The following KNL1 variants were observed in gnomAD, a reference collection of about 807,000 sequenced individuals.
KNL1 encodes kinetochore scaffold 1.
Under a neutral mutation model 201.3 loss-of-function variants are expected in KNL1, and 66 were observed. That is an observed-to-expected ratio of 0.33 (90% confidence interval 0.27 to 0.40). The LOEUF is 0.40. Ranked by LOEUF, KNL1 falls within the 10% of genes least tolerant of loss-of-function variation. KNL1 has a pLI of 1.00. For synonymous variants in KNL1, 895 were observed against 899.2 expected, an observed-to-expected ratio of 1.00 and a Z score of 0.08; for missense variants, 2,815 against 2,690.5, an observed-to-expected ratio of 1.05 and a Z score of -1.02.
In KNL1 at chr15:40,641,976, A is replaced by G. The variant is rs376135431; in HGVS notation, c.5798+949A>G. ...GACTTTAAAACTCAAAGTAATGTTT[A>G]TGTCATACTTATCTGGGACTATCCA... On this transcript the variant is annotated intron_variant, in intron 14 of 25. Coordinates refer to ENST00000399668, the MANE Select transcript of KNL1 (RefSeq NM_144508.5). Among the ~76,000 whole-genome samples the G allele has an allele frequency of 1.2e-3, 183 of 152,370 alleles. 6 individuals carry two copies. The South Asian group carries it at 0.035, about 29-fold the overall frequency.
chr15:40,651,359 C>A, intron 19 of KNL1, 112 bp from the exon 20 acceptor site: 1 of 478,018 alleles, frequency 2.1e-6, no homozygotes, highest in Non-Finnish European at 3.6e-6. Context: ...AACATTATTA[C>A]CTCAATGGGG....
Position 40,617,419 on chromosome 15 carries a change from A to G in KNL1, c.323-1540A>G, listed in dbSNP as rs115090588. On this transcript the variant is annotated intron_variant, in intron 8 of 25. Coordinates refer to ENST00000399668, the MANE Select transcript of KNL1 (RefSeq NM_144508.5). ...TGACAGAAAAGGAATTTGTACCATA[A>G]TGTGCCTTAACTGTGGCATTAAGCC... Among the ~76,000 whole-genome samples the G allele has an allele frequency of 6.3e-3, 962 of 152,246 alleles. 6 individuals carry two copies. The highest frequency in any genetic ancestry group is 0.022 in the African/African-American group (916 of 41,540).
intron 13 of KNL1, among the ~76,000 whole-genome samples, chr15:40,631,691 A>G (rs757271829): frequency 3.3e-5 from 5 of 152,048 alleles, no homozygotes; most frequent in Non-Finnish European, 2.9e-5. Context: ...GAGCTAATGA[A>G]ATAGAAAACA....
intron 13 of KNL1, among the ~76,000 whole-genome samples, chr15:40,636,552 G>A (rs972163454): frequency 6.6e-6 from 1 of 152,076 alleles, no homozygotes; most frequent in African/African-American, 2.4e-5. Context: ...CTCTAGTCTT[G>A]GTGCTATGGC....
intron 14 of KNL1, among the ~76,000 whole-genome samples, chr15:40,641,716 T>G (rs1181770717): frequency 2.0e-5 from 3 of 152,212 alleles, no homozygotes; most frequent in Admixed American, 2.0e-4. Flanking sequence ...TATATCCAAA[T>G]AGTCCAAAAT....
At chr15:40,596,314 T>G (rs1176779869) in intron 1 of KNL1, among the ~76,000 whole-genome samples, 1 of 152,238 alleles carries the variant, frequency 6.6e-6, no homozygotes, top group Non-Finnish European at 1.5e-5. Context: ...TCTCGCTCTG[T>G]CACCCAGGCT....
chr15:40,656,560 A>G (rs899273535), intron 22 of KNL1, among the ~76,000 whole-genome samples: 26 of 152,318 alleles, frequency 1.7e-4, no homozygotes, highest in African/African-American at 6.0e-4. Context: ...TATCTTCACC[A>G]TACATGTTAT....
chr15:40,604,687 A>G (rs1595914493), intron 2 of KNL1, among the ~76,000 whole-genome samples: 1 of 152,202 alleles, frequency 6.6e-6, no homozygotes, highest in South Asian at 2.1e-4. Flanking sequence ...TTTAGGTGAG[A>G]GAGGAATTCT....
chr15:40,629,795 C>T (rs1178097664), intron 13 of KNL1, among the ~76,000 whole-genome samples: 1 of 151,742 alleles, frequency 6.6e-6, no homozygotes, highest in Non-Finnish European at 1.5e-5. Flanking sequence ...GCCACTGCGC[C>T]CGGCCGAGAG....
At chr15:40,648,831 T>C (rs1003038614) in intron 17 of KNL1, among the ~76,000 whole-genome samples, 1 of 11,286 alleles carries the variant, frequency 8.9e-5, no homozygotes, top group Non-Finnish European at 5.7e-4. Context: ...TTAACTTTCT[T>C]TTTTTTTTTT....
At position 40,662,371 on chromosome 15, in the gene KNL1, T is replaced by C. The variant is rs151306082; in HGVS notation, c.*183T>C. On this transcript the variant is annotated 3_prime_UTR_variant, in exon 26 of 26. Coordinates refer to ENST00000399668, the MANE Select transcript of KNL1 (RefSeq NM_144508.5). ...AATGATGGTGATGAAGTCTGGATGGTAGGCCTCATAGCCTACTATCAACTT... is the reference window on the plus strand; with the variant it reads ...AATGATGGTGATGAAGTCTGGATGGCAGGCCTCATAGCCTACTATCAACTT... The C allele has an allele frequency of 1.9e-6, 1 of 521,960 alleles. No homozygotes were observed. The highest frequency in any genetic ancestry group is 1.9e-5 in the African/African-American group (1 of 51,562). 32.3% of individuals were successfully genotyped at this position (521,960 alleles called of 1,614,324 possible).
At chr15:40,635,456 G>A (rs1436885144) in intron 13 of KNL1, among the ~76,000 whole-genome samples, 3 of 152,042 alleles carry the variant, frequency 2.0e-5, no homozygotes, top group Non-Finnish European at 4.4e-5. Context: ...CCAGGTTCAA[G>A]CGATTCTCCT....
intron 4 of KNL1, 67 bp from the exon 5 acceptor site, chr15:40,608,780 T>A: frequency 1.8e-6 from 2 of 1,087,354 alleles, no homozygotes; most frequent in Non-Finnish European, 1.4e-6. Flanking sequence ...TCTCTGTCTA[T>A]AGTACTCTGG....
intron 12 of KNL1, 54 bp downstream of exon 12, chr15:40,628,732 G>A (rs375663614): frequency 1.2e-5 from 14 of 1,166,572 alleles, no homozygotes; most frequent in South Asian, 7.4e-5. Flanking sequence ...AGGTTTAAAC[G>A]TCTCATTTCT....
chr15:40,626,927 C>T (rs534292360), intron 10 of KNL1, among the ~76,000 whole-genome samples: 1 of 152,162 alleles, frequency 6.6e-6, no homozygotes, highest in African/African-American at 2.4e-5. Context: ...TTAAGTCTTG[C>T]TCTGTTGCCC....
intron 22 of KNL1, among the ~76,000 whole-genome samples, chr15:40,656,730 AC>A (rs1190718046): frequency 6.6e-6 from 1 of 151,760 alleles, no homozygotes; most frequent in African/African-American, 2.4e-5. Context: ...TACTAAAAAT[AC>A]AAAAAGTAGC....
intron 19 of KNL1, 133 bp downstream of exon 19, chr15:40,650,716 T>G: frequency 1.4e-6 from 1 of 723,596 alleles, no homozygotes; most frequent in Middle Eastern, 2.6e-4. Flanking sequence ...TTCTCCACTT[T>G]GAATGGAAAC....
In KNL1 at chr15:40,662,266, GT is replaced by G; in HGVS notation, c.*83del. 1.3e-6 allele frequency: 1 copy of G among 799,448 alleles called. No homozygotes were observed. Among genetic ancestry groups the G allele is most frequent in the Non-Finnish European group, 2.1e-6 (1 of 465,190 alleles). 49.5% of individuals were successfully genotyped at this position (799,448 alleles called of 1,614,324 possible). On this transcript the variant is annotated 3_prime_UTR_variant, in exon 26 of 26. Transcript: ENST00000399668. ...AGGGTCCCATTGCTGTTCAGCCTTT[GT>G]TTTTACGTCATTACAAGCTGAGTAA...
chr15:40,602,962 G>A lies in KNL1; in HGVS notation c.31G>A (p.Glu11Lys). 6.3e-7 allele frequency: 1 copy of A among 1,592,250 alleles called. No homozygotes were observed. Among genetic ancestry groups the A allele is most frequent in the Non-Finnish European group, 8.6e-7 (1 of 1,163,742 alleles). MDGVSSEANEENDNIERPVRR... is the reference protein window; with the variant it reads MDGVSSEANEKNDNIERPVRR... ...TGGGGTGTCTTCAGAGGCTAATGAA[G>A]AAAAGTAAGTTCATTTAATGCAGCT... The change falls in exon 2 of 26, where the codon GAA becomes AAA. Residue 11 changes from glutamate to lysine, a missense_variant. By Grantham distance (56) the Glu-to-Lys change is moderately conservative. Coordinates refer to ENST00000399668, the MANE Select transcript of KNL1 (RefSeq NM_144508.5).
Sources: gnomAD v4.1 joint callset for allele counts (sites outside exome capture counted in the v4.1 genomes callset) on GRCh38, gnomAD v4.1.1 for gene constraint, MANE v1.5 for transcripts, NCBI Gene and HGNC (gene_info 2026-07-23, HGNC 2026-07-21) for gene names.